Variants in IGSF21 observed in about 807,000 individuals in gnomAD.
IGSF21 encodes immunoglobin superfamily member 21, also known as immunoglobulin superfamily member 21.
Under a neutral mutation model 46.8 loss-of-function variants are expected in IGSF21, and 28 were observed. That is an observed-to-expected ratio of 0.60 (90% CI 0.44 to 0.82). The LOEUF (loss-of-function observed/expected upper bound fraction) is 0.82, where lower values mean the gene tolerates loss of function less well. Ranked by LOEUF, IGSF21 falls within the 40% of genes least tolerant of loss-of-function variation. The pLI is 0.00. For synonymous variants in IGSF21, 284 were observed against 273.6 expected (o/e 1.04, Z -0.38); for missense variants, 624 against 665.5 (o/e 0.94, Z 0.69).
intron 1 of IGSF21, among the ~76,000 whole-genome samples, chr1:18,168,471 T>C (rs1214981151): frequency 1.3e-5 from 2 of 152,116 alleles, no homozygotes; most frequent in African/African-American, 4.8e-5. Flanking sequence ...GCACCCTGGG[T>C]CATCGTCACT....
At position 18,377,442 on chromosome 1, in the gene IGSF21, A is replaced by G; in HGVS notation, c.1333+11A>G. 6.2e-7 allele frequency: 1 copy of G among 1,611,788 alleles called. No individual in the cohort carries two copies. The highest frequency in any genetic ancestry group is 8.5e-7 in the Non-Finnish European group (1 of 1,177,922). The stretch of plus-strand genomic sequence containing the variant: ...CGGAGGACTCTAATGGTAAGTCTCT[A>G]CCCTCAGGATTTTTTGCTTAAAAGG... On this transcript the variant is annotated intron_variant, in intron 9 of 9. Coordinates refer to ENST00000251296, the MANE Select transcript of IGSF21 (RefSeq NM_032880.5).
At position 18,111,209 on chromosome 1, in the gene IGSF21, G is replaced by A. The variant is rs535062786; in HGVS notation, c.70+3011G>A. The stretch of plus-strand genomic sequence containing the variant: ...GGTTTCTTCTCCAGCCCCAACTGGG[G>A]GAGTTAAGGGCCCTAATCCCTTGCA... On this transcript the variant is annotated intron_variant, in intron 1 of 9. Coordinates refer to ENST00000251296, the MANE Select transcript of IGSF21 (RefSeq NM_032880.5). 8.3e-4 allele frequency: 126 copies of A among 152,390 alleles called. 1 individual carries two copies. Among genetic ancestry groups the A allele is most frequent in the Non-Finnish European group, 1.1e-3 (72 of 68,074 alleles). The allele number at this position is 152,390 out of a possible 1,614,324, so 9.4% of individuals were successfully genotyped here. A position where few individuals can be genotyped will look rare whatever the true frequency, so the allele number is the denominator to read the frequency against.
rs2086147208 is a variant in IGSF21, at chr1:18,365,155, G to A, written c.541-68G>A. 2 of 1,252,846 alleles carry A rather than the reference G, an allele frequency of 1.6e-6. No homozygotes were observed. The highest frequency in any genetic ancestry group is 1.9e-5 in the Admixed American group (1 of 52,604). The allele number at this position is 1,252,846 out of a possible 1,614,324, so 77.6% of individuals were successfully genotyped here. Reference sequence around the variant, plus strand: ...CTGGCATCCTGTGCCCAGTTCATCGGAGAACCCACTGGGAGGTTGAAGTTA... The same window carrying A: ...CTGGCATCCTGTGCCCAGTTCATCGAAGAACCCACTGGGAGGTTGAAGTTA... On this transcript the variant is annotated intron_variant, in intron 5 of 9. Coordinates refer to ENST00000251296, the MANE Select transcript of IGSF21 (RefSeq NM_032880.5). This position sits in a 1 kb window ranked among gnomAD's most constrained non-coding sequence, Gnocchi z 4.8.
At chr1:18,228,140 T>A in intron 2 of IGSF21, 130 bp downstream of exon 2, 1 of 678,412 alleles carries the variant, frequency 1.5e-6, no homozygotes, top group Non-Finnish European at 2.6e-6. Flanking sequence ...GTCCTGGGCA[T>A]CTGCTGGGTC....
At chr1:18,218,235 TG>T (rs985708854) in intron 1 of IGSF21, among the ~76,000 whole-genome samples, 1 of 152,076 alleles carries the variant, frequency 6.6e-6, no homozygotes, top group Non-Finnish European at 1.5e-5. Flanking sequence ...CAGGAGAAAG[TG>T]GGGGAGCTGC....
chr1:18,341,023 CT>C (rs1255557046), intron 4 of IGSF21, among the ~76,000 whole-genome samples: 12 of 100,242 alleles, frequency 1.2e-4, no homozygotes, highest in African/African-American at 4.5e-4. Context: ...TCTTCTTCTT[CT>C]TCTTCTTCTT....
At chr1:18,242,076 T>C (rs2084735990) in intron 2 of IGSF21, among the ~76,000 whole-genome samples, 1 of 145,102 alleles carries the variant, frequency 6.9e-6, no homozygotes, top group Non-Finnish European at 1.5e-5. Flanking sequence ...GCCGGAGCCA[T>C]CTGTCTGCAG....
At chr1:18,293,697 T>C (rs1302563828) in intron 3 of IGSF21, among the ~76,000 whole-genome samples, 1 of 152,172 alleles carries the variant, frequency 6.6e-6, no homozygotes, top group Admixed American at 6.5e-5. Context: ...AAACCACAGA[T>C]GGTTTTGTAG....
At chr1:18,131,843 G>A (rs1570252111) in intron 1 of IGSF21, among the ~76,000 whole-genome samples, 1 of 152,232 alleles carries the variant, frequency 6.6e-6, no homozygotes, top group African/African-American at 2.4e-5. Flanking sequence ...TTCTCCTTAT[G>A]GTTCATATAC....
At chr1:18,298,452 C>T (rs945497727) in intron 3 of IGSF21, among the ~76,000 whole-genome samples, 40 of 152,168 alleles carry the variant, frequency 2.6e-4, no homozygotes, top group Non-Finnish European at 1.9e-4. Flanking sequence ...TGAATCACAG[C>T]GAGGCTTCAA....
chr1:18,371,771 T>G (rs11260993), intron 6 of IGSF21, among the ~76,000 whole-genome samples: 3,280 of 152,246 alleles, frequency 0.022, 110 homozygotes, highest in African/African-American at 0.073. Flanking sequence ...CCTTGAACAC[T>G]CTATCTAAAG....
At chr1:18,275,213 T>A (rs2085088235) in intron 2 of IGSF21, among the ~76,000 whole-genome samples, 1 of 152,200 alleles carries the variant, frequency 6.6e-6, no homozygotes, top group African/African-American at 2.4e-5. Flanking sequence ...TGGGCAGAGT[T>A]AGAAGTTGCG....
At chr1:18,135,502 A>G (rs989271804) in intron 1 of IGSF21, among the ~76,000 whole-genome samples, 2 of 151,002 alleles carry the variant, frequency 1.3e-5, no homozygotes, top group Non-Finnish European at 2.9e-5. Context: ...ATGAGTGAGA[A>G]CATGCGGTGT....
rs979045494 is a variant in IGSF21, at chr1:18,377,443, C to A, written c.1333+12C>A. 1 of 1,611,292 alleles carries A rather than the reference C, an allele frequency of 6.2e-7. No homozygotes were observed. The highest frequency in any genetic ancestry group is 1.3e-5 in the African/African-American group (1 of 74,858). ...GGAGGACTCTAATGGTAAGTCTCTA[C>A]CCTCAGGATTTTTTGCTTAAAAGGG... On this transcript the variant is annotated intron_variant, in intron 9 of 9. Coordinates refer to ENST00000251296, the MANE Select transcript of IGSF21 (RefSeq NM_032880.5).
rs549646449 is a variant in IGSF21 at position 18,302,686 on chromosome 1, C to T, written c.305+10699C>T. Among the ~76,000 whole-genome samples, 3 of 152,256 alleles carry T rather than the reference C, an allele frequency of 2.0e-5. No individual in the cohort carries two copies. The South Asian group carries it at 6.2e-4, about 32-fold the overall frequency. The stretch of plus-strand genomic sequence containing the variant: ...TGGCTAGGAGTCCCTCTGTGGTCCT[C>T]AAATCTCCCCTGCAACACAGACTCC... On this transcript the variant is annotated intron_variant, in intron 3 of 9. Coordinates refer to ENST00000251296, the MANE Select transcript of IGSF21 (RefSeq NM_032880.5).
chr1:18,258,005 T>C lies in IGSF21; in HGVS notation c.183+29995T>C, dbSNP rs77474958. On this transcript the variant is annotated intron_variant, in intron 2 of 9. Transcript: ENST00000251296. ...GCCGCTGGCTGCTGAGTTATATTTATACAACTTGTAAATCATCCTGTCAGG... is the reference window on the plus strand; with the variant it reads ...GCCGCTGGCTGCTGAGTTATATTTACACAACTTGTAAATCATCCTGTCAGG... Among the ~76,000 whole-genome samples the C allele has an allele frequency of 6.0e-4, 92 of 152,330 alleles. No homozygotes were observed. The East Asian group carries it at 0.015, about 25-fold the overall frequency.
intron 4 of IGSF21, among the ~76,000 whole-genome samples, chr1:18,339,863 C>T (rs186834447): frequency 1.6e-4 from 25 of 152,238 alleles, no homozygotes; most frequent in African/African-American, 5.5e-4. Context: ...CCTTCCTGTC[C>T]CCATCCCCAT....
At chr1:18,275,133 C>T (rs948436408) in intron 2 of IGSF21, among the ~76,000 whole-genome samples, 5 of 152,200 alleles carry the variant, frequency 3.3e-5, no homozygotes, top group Non-Finnish European at 7.3e-5. Flanking sequence ...TTTCAAATTT[C>T]AGAAGCAGAG....
chr1:18,192,285 G>A lies in IGSF21; in HGVS notation c.71-35613G>A, dbSNP rs1192874473. On this transcript the variant is annotated intron_variant, in intron 1 of 9. Coordinates refer to ENST00000251296, the MANE Select transcript of IGSF21 (RefSeq NM_032880.5). Reference sequence around the variant, plus strand: ...TTCTTGCCTGTGGTCAGCAGACTGGGGCATGAACACGGCTCTGGGCCGGGT... The same window carrying A: ...TTCTTGCCTGTGGTCAGCAGACTGGAGCATGAACACGGCTCTGGGCCGGGT... Among the ~76,000 whole-genome samples the A allele has an allele frequency of 3.3e-5, 5 of 152,170 alleles. No homozygotes were observed. In the East Asian group the frequency reaches 9.6e-4, roughly 29 times the overall value.
Sources: allele counts gnomAD v4.1 joint callset (sites outside exome capture counted in the v4.1 genomes callset), GRCh38; gene constraint gnomAD v4.1.1; non-coding constraint Gnocchi (gnomAD v3.1); transcripts MANE v1.5; gene names NCBI Gene and HGNC (gene_info 2026-07-23, HGNC 2026-07-21).